CLVS1: variants seen among roughly 807,000 people sequenced by gnomAD.
CLVS1 encodes the protein clavesin 1, also known as clavesin-1.
Under a neutral mutation model 33.1 loss-of-function variants are expected in CLVS1, and 10 were observed. The observed-to-expected ratio is 0.30, with a 90% CI of 0.19 to 0.51. CLVS1 has a LOEUF of 0.51. Ranked by LOEUF, CLVS1 falls within the 20% of genes least tolerant of loss-of-function variation. The pLI, the probability that CLVS1 is intolerant of heterozygous loss-of-function variation, is 0.97. For missense variants in CLVS1, 343 were observed against 433.4 expected, an observed-to-expected ratio of 0.79 and a Z score of 1.85; for synonymous variants, 163 against 166.1, an observed-to-expected ratio of 0.98 and a Z score of 0.14.
chr8:61,258,740 T>A (rs546691944), intron 2 of CLVS1, among the ~76,000 whole-genome samples: 1 of 152,352 alleles, frequency 6.6e-6, no homozygotes, highest in South Asian at 2.1e-4. Context: ...AAGGGAGTTG[T>A]AAGTGAATTT....
At chr8:61,077,439 A>AAGTAGT (rs778911628) in intron 1 of CLVS1, among the ~76,000 whole-genome samples, 3 of 129,522 alleles carry the variant, frequency 2.3e-5, no homozygotes, top group African/African-American at 2.9e-5. Context: ...GACCCTCTAA[A>AAGTAGT]AGTATTATTA....
At chr8:61,016,476 G>A in the CLVS1 span, among the ~76,000 whole-genome samples, 1 of 152,226 alleles carries the variant, frequency 6.6e-6, no homozygotes, top group African/African-American at 2.4e-5. Flanking sequence ...AAAAGACAAT[G>A]TAAATGACAA....
chr8:61,315,793 A>G lies in CLVS1; in HGVS notation c.455+15511A>G, dbSNP rs546363466. On this transcript the variant is annotated intron_variant, in intron 2 of 5. Transcript: ENST00000325897. ...TGTGCAGAAAGTGCAGGTTTGTTAC[A>G]TAGGTATATATGTGTCATGGTGGTT... Among the ~76,000 whole-genome samples the G allele has an allele frequency of 3.9e-4, 60 of 152,220 alleles. 1 individual carries two copies. The South Asian group carries it at 0.012, about 32-fold the overall frequency.
chr8:61,151,596 G>C (rs1156873837), intron 2 of CLVS1, among the ~76,000 whole-genome samples: 1 of 152,092 alleles, frequency 6.6e-6, no homozygotes, highest in Admixed American at 6.6e-5. Flanking sequence ...ATCAAAGCAG[G>C]GGACAGTAGG....
Position 61,458,481 on chromosome 8 carries a change from A to G in CLVS1, c.916A>G (p.Met306Val), listed in dbSNP as rs746621064. 3 of 1,613,960 alleles carry G rather than the reference A, an allele frequency of 1.9e-6. No individual in the cohort carries two copies. Among genetic ancestry groups the G allele is most frequent in the Middle Eastern group, 1.6e-4 (1 of 6,062 alleles). The change falls in exon 5 of 6, where the codon ATG becomes GTG. Residue 306 changes from methionine (M) to valine (V), a missense_variant. Met to Val is a conservative substitution (Grantham distance 21). Coordinates refer to ENST00000325897, the MANE Select transcript of CLVS1 (RefSeq NM_173519.3). ...CTATACTCACACATCCTATAATGCA[A>G]TGCACGTGAAGCATACGTCCTCGAA... ...NDYTHTSYNA[M>V]HVKHTSSNLE...
rs150694193 is a variant in CLVS1 at position 61,128,433 on chromosome 8, G to A, written c.-242-3337G>A. Among the ~76,000 whole-genome samples, 258 of 152,212 alleles carry A rather than the reference G, an allele frequency of 1.7e-3. 1 individual carries two copies. Among genetic ancestry groups the A allele is most frequent in the African/African-American group, 5.7e-3 (237 of 41,536 alleles). On this transcript the variant is annotated intron_variant, in intron 1 of 2. Coordinates refer to the CLVS1 transcript ENST00000522621. ...ATCTTCATCACCTATGCTTTTTCTGGAATTTTTTTCTCCATGTGTAGGGTT... is the reference window on the plus strand; with the variant it reads ...ATCTTCATCACCTATGCTTTTTCTGAAATTTTTTTCTCCATGTGTAGGGTT...
chr8:61,041,394 T>A, the CLVS1 span, among the ~76,000 whole-genome samples: 2 of 152,236 alleles, frequency 1.3e-5, no homozygotes, highest in East Asian at 3.9e-4. Context: ...ATAGGAATAA[T>A]GTTGAATCTA....
chr8:61,132,168 G>A (rs1806112688), intron 2 of CLVS1, among the ~76,000 whole-genome samples: 1 of 152,244 alleles, frequency 6.6e-6, no homozygotes, highest in African/African-American at 2.4e-5. Flanking sequence ...TGCAAAATGA[G>A]CTTGCACCAA....
intron 5 of CLVS1, among the ~76,000 whole-genome samples, chr8:61,497,289 G>T (rs555944688): frequency 1.1e-3 from 170 of 152,282 alleles, no homozygotes; most frequent in African/African-American, 3.7e-3. Context: ...GCATAAGGAG[G>T]AGTCCAGGAA....
the CLVS1 span, among the ~76,000 whole-genome samples, chr8:61,040,598 G>C: frequency 6.6e-6 from 1 of 152,134 alleles, no homozygotes. Flanking sequence ...GTGATGATGA[G>C]CATTTTTTTC....
At chr8:61,004,567 A>T in the CLVS1 span, among the ~76,000 whole-genome samples, 3 of 152,200 alleles carry the variant, frequency 2.0e-5, no homozygotes, top group Non-Finnish European at 4.4e-5. Context: ...AGCACAAGAG[A>T]GAGCTGGAAA....
At chr8:61,097,664 T>C (rs1257216640) in intron 1 of CLVS1, among the ~76,000 whole-genome samples, 1 of 152,202 alleles carries the variant, frequency 6.6e-6, no homozygotes, top group African/African-American at 2.4e-5. Context: ...CCCTCTTATT[T>C]TGGAAAACCT....
chr8:61,142,109 T>G (rs1001527035), intron 2 of CLVS1, among the ~76,000 whole-genome samples: 1 of 152,256 alleles, frequency 6.6e-6, no homozygotes, highest in African/African-American at 2.4e-5. Context: ...GCTCTGTGTC[T>G]GCACCCAAAT....
chr8:61,147,944 A>G (rs1806452555), intron 2 of CLVS1, among the ~76,000 whole-genome samples: 2 of 152,260 alleles, frequency 1.3e-5, no homozygotes, highest in African/African-American at 4.8e-5. Flanking sequence ...CAGAATTTTC[A>G]AATGAGAAAA....
chr8:61,194,932 TTA>T (rs34200584), intron 2 of CLVS1, among the ~76,000 whole-genome samples: 78,046 of 151,216 alleles, frequency 0.52, 20,842 homozygotes, highest in Middle Eastern at 0.68. Context: ...TAGAAAATTC[TTA>T]TATGTTTTGA....
At chr8:61,428,393 AGC>A (rs1016555623) in intron 3 of CLVS1, among the ~76,000 whole-genome samples, 2 of 152,220 alleles carry the variant, frequency 1.3e-5, no homozygotes, top group Non-Finnish European at 2.9e-5. Flanking sequence ...TTTTATCTTG[AGC>A]AAATATTCAA....
At chr8:61,020,942 G>A in the CLVS1 span, among the ~76,000 whole-genome samples, 2 of 152,148 alleles carry the variant, frequency 1.3e-5, no homozygotes, top group East Asian at 3.8e-4. Flanking sequence ...ACCTACCCAT[G>A]TCCAACTATC....
chr8:61,188,893 T>C (rs1480548749), intron 2 of CLVS1, among the ~76,000 whole-genome samples: 1 of 152,056 alleles, frequency 6.6e-6, no homozygotes, highest in African/African-American at 2.4e-5. Context: ...TAAAAAATAA[T>C]TATTAAGACT....
At chr8:60,986,116 C>A in the CLVS1 span, among the ~76,000 whole-genome samples, 1 of 152,208 alleles carries the variant, frequency 6.6e-6, no homozygotes, top group Admixed American at 6.5e-5. Context: ...ACTTGGAAGA[C>A]GATTGTAGAT....
Sources: allele counts gnomAD v4.1 joint callset (sites outside exome capture counted in the v4.1 genomes callset), GRCh38; gene constraint gnomAD v4.1.1; transcripts MANE v1.5; gene names NCBI Gene and HGNC (gene_info 2026-07-23, HGNC 2026-07-21).